Variants in USP9X observed in about 807,000 individuals in gnomAD.
USP9X encodes the protein ubiquitin specific peptidase 9 X-linked.
USP9X carries 7 observed loss-of-function variants against 190.3 expected under a neutral mutation model. The ratio of observed to expected loss-of-function variants is 0.04; its 90% confidence interval spans 0.02 to 0.07. The LOEUF is 0.07. Ranked by LOEUF, USP9X falls within the 10% of genes least tolerant of loss-of-function variation. The probability of loss-of-function intolerance (pLI) is 1.00; values close to 1 mark genes in which losing one functional copy is unlikely to be tolerated. For synonymous variants in USP9X, 645 were observed against 659.5 expected (o/e 0.98, Z 0.34); for missense variants, 1,010 against 1,916.9 (o/e 0.53, Z 8.83).
intron 14 of USP9X, among the ~76,000 whole-genome samples, chrX:41,156,604 A>G (rs2062581165): frequency 9.0e-6 from 1 of 111,641 alleles, no homozygotes; most frequent in Non-Finnish European, 1.9e-5. Flanking sequence ...GCAATCTGAA[A>G]AAATCAGAGT....
chrX:41,234,505 G>A lies in USP9X; in HGVS notation c.*1981G>A, dbSNP rs1306744545. On this transcript the variant is annotated 3_prime_UTR_variant, in exon 45 of 45. Transcript: ENST00000378308. ...GGACATTTTGACACCGATACTTTGA[G>A]TGAAAGTCACACACGGTGTTTGCAA... 1 of 112,007 alleles carries A rather than the reference G, an allele frequency of 8.9e-6. No individual in the cohort carries two copies. Among genetic ancestry groups the A allele is most frequent in the African/African-American group, 3.2e-5 (1 of 30,809 alleles). The allele number at this position is 112,007 out of a possible 1,213,427, so 9.2% of individuals were successfully genotyped here.
At chrX:41,099,029 G>T (rs902575141) in intron 1 of USP9X, among the ~76,000 whole-genome samples, 16 of 104,693 alleles carry the variant, frequency 1.5e-4, no homozygotes, top group East Asian at 6.1e-4. Flanking sequence ...AGGCTCTAGC[G>T]ATTCCTCCCA....
chrX:41,193,322 T>C (rs1186701843), intron 26 of USP9X, among the ~76,000 whole-genome samples: 1 of 111,428 alleles, frequency 9.0e-6, no homozygotes, highest in East Asian at 2.8e-4. Flanking sequence ...AAGAATAGTA[T>C]GTAGGATAGC....
chrX:41,162,221 G>A (rs1601986473), intron 14 of USP9X, among the ~76,000 whole-genome samples: 1 of 111,442 alleles, frequency 9.0e-6, no homozygotes, highest in East Asian at 2.8e-4. Flanking sequence ...CATACCATAG[G>A]GTCTGGGATC....
chrX:41,215,590 A>G (rs1304137260), intron 34 of USP9X, among the ~76,000 whole-genome samples: 1 of 112,731 alleles, frequency 8.9e-6, no homozygotes, highest in Non-Finnish European at 1.9e-5. Context: ...AGCTACTCTT[A>G]TTGTTATTGT....
Position 41,186,624 on chromosome X carries a change from T to C in USP9X, c.3666T>C (p.Ala1222=), listed in dbSNP as rs1185216132. ...TTAGAAATGTGTCAGTTCGTCTTGC[T>C]CAGCAGATATCTGATGAGGTTAGTT... The part of the protein sequence containing the change: ...CMLRNVSVRL[A]QQISDEASRY... Residue 1222 remains alanine, a synonymous_variant, in exon 24 of 45, where the codon GCT becomes GCC. Transcript: ENST00000378308. The C allele has an allele frequency of 1.1e-5, 13 of 1,209,335 alleles. No homozygotes were observed. The highest frequency in any genetic ancestry group is 1.3e-5 in the Non-Finnish European group (12 of 894,959).
intron 26 of USP9X, chrX:41,195,840 A>G: frequency 3.2e-6 from 1 of 310,332 alleles, no homozygotes; most frequent in Admixed American, 3.3e-5. Context: ...ATCTGCCACA[A>G]TAGCCTTACC....
chrX:41,229,864 A>G (rs751290475), intron 43 of USP9X, 85 bp downstream of exon 43: 8 of 1,169,162 alleles, frequency 6.8e-6, no homozygotes, highest in East Asian at 6.0e-5. Context: ...TTTATGTATT[A>G]ATGATATTAT....
At chrX:41,221,209 C>G (rs764426124) in intron 38 of USP9X, among the ~76,000 whole-genome samples, 38 of 111,136 alleles carry the variant, frequency 3.4e-4, no homozygotes, top group Non-Finnish European at 6.6e-4. Context: ...TTGCAGTGAG[C>G]TGAGATCACA....
Position 41,143,245 on chromosome X carries a change from T to C in USP9X, c.1162-46T>C, listed in dbSNP as rs377662692. The C allele has an allele frequency of 6.9e-4, 684 of 993,089 alleles. 1 individual carries two copies. The highest frequency in any genetic ancestry group is 8.8e-4 in the Non-Finnish European group (671 of 761,989). 81.8% of individuals were successfully genotyped at this position (993,089 alleles called of 1,213,427 possible). On this transcript the variant is annotated intron_variant, in intron 9 of 44. Coordinates refer to ENST00000378308, the MANE Select transcript of USP9X (RefSeq NM_001039591.3). ...AATAGTGTGAGCAATTAAGAAAAAA[T>C]TGTTTTAATTTCTGCTTTCAAACAC...
intron 1 of USP9X, among the ~76,000 whole-genome samples, chrX:41,106,583 T>G (rs1374110070): frequency 2.2e-5 from 2 of 90,499 alleles, no homozygotes; most frequent in Non-Finnish European, 4.2e-5. Context: ...CAGGCTGGAG[T>G]GCAATGGCGC....
chrX:41,152,902 C>A (rs1472597648), intron 13 of USP9X, 46 bp from the exon 14 acceptor site: 2 of 1,166,918 alleles, frequency 1.7e-6, no homozygotes, highest in Non-Finnish European at 2.3e-6. Context: ...CTGGTTACAA[C>A]AGAGTTTAAT....
intron 11 of USP9X, among the ~76,000 whole-genome samples, chrX:41,146,664 C>CTTTTTT (rs748840962): frequency 4.0e-5 from 2 of 50,365 alleles, no homozygotes; most frequent in African/African-American, 1.6e-4. Context: ...AGCTATTTGC[C>CTTTTTT]TTTTTTTTTT....
At chrX:41,203,603 A>G (rs770941841) in intron 31 of USP9X, among the ~76,000 whole-genome samples, 2 of 112,464 alleles carry the variant, frequency 1.8e-5, no homozygotes, top group African/African-American at 3.2e-5. Context: ...GAACATGGAT[A>G]TACAAATAGC....
intron 1 of USP9X, among the ~76,000 whole-genome samples, chrX:41,118,234 T>G (rs1230485904): frequency 9.0e-6 from 1 of 111,495 alleles, no homozygotes; most frequent in Non-Finnish European, 1.9e-5. Flanking sequence ...ATCATCCATT[T>G]CCAGAACTTC....
rs375050827 is a variant in USP9X at position 41,196,660 on chromosome X, C to T, written c.4155C>T (p.Tyr1385=). 49 of 1,199,862 alleles carry T rather than the reference C, an allele frequency of 4.1e-5. No homozygotes were observed. The African/African-American group carries it at 4.7e-4, about 12-fold the overall frequency. Residue 1385 remains tyrosine (Y), a synonymous_variant, in exon 28 of 45, where the codon TAC becomes TAT. Coordinates refer to ENST00000378308, the MANE Select transcript of USP9X (RefSeq NM_001039591.3). ...YFTLLRHLLN[Y]AYNSNINVPN... ...CTCTTTTAAGACACCTTCTTAATTA[C>T]GCTTACAATAGTAATATTAATGTAC...
In USP9X at chrX:41,167,484, C is replaced by G. The variant is rs771103298; in HGVS notation, c.2331C>G (p.Val777=). 3.7e-5 allele frequency: 44 copies of G among 1,196,550 alleles called. No individual in the cohort carries two copies. The highest frequency in any genetic ancestry group is 4.7e-5 in the Non-Finnish European group (42 of 886,876). ...ELIGLDYLWR[V]VIQSNDDIAS... The stretch of plus-strand genomic sequence containing the variant: ...TACTTTTATCATTTTGAAACCAGGT[C>G]GTGATTCAGAGTAATGATGATATTG... Residue 777 remains valine, a splice_region_variant and synonymous_variant, in exon 17 of 45, where the codon GTC becomes GTG. Transcript: ENST00000378308.
chrX:41,152,217 T>C (rs934671445), intron 13 of USP9X, among the ~76,000 whole-genome samples: 2 of 112,011 alleles, frequency 1.8e-5, no homozygotes, highest in Non-Finnish European at 3.8e-5. Flanking sequence ...TTGAGACATA[T>C]ATCTCGTTAA....
chrX:41,162,674 C>T, intron 14 of USP9X, 116 bp from the exon 15 acceptor site: 1 of 497,190 alleles, frequency 2.0e-6, no homozygotes, highest in Non-Finnish European at 3.1e-6. Flanking sequence ...ATTTAGGTTG[C>T]CTTTTAATGA....
Sources: allele counts gnomAD v4.1 joint callset (sites outside exome capture counted in the v4.1 genomes callset), GRCh38; gene constraint gnomAD v4.1.1; transcripts MANE v1.5; gene names NCBI Gene and HGNC (gene_info 2026-07-23, HGNC 2026-07-21).